RFX3: variants seen among roughly 807,000 people sequenced by gnomAD.
RFX3 encodes transcription factor RFX3.
Under a neutral mutation model 98.6 loss-of-function variants are expected in RFX3, and 14 were observed. The ratio of observed to expected loss-of-function variants is 0.14; its 90% CI spans 0.09 to 0.22. RFX3 has a LOEUF of 0.22. Ranked by LOEUF, RFX3 falls within the 10% of genes least tolerant of loss-of-function variation. RFX3 has a pLI of 1.00. For synonymous variants in RFX3, 383 were observed against 328.4 expected (o/e 1.17, Z -1.80); for missense variants, 639 against 926.9 (o/e 0.69, Z 4.03).
chr9:3,424,710 A>G (rs548140323), intron 1 of RFX3, among the ~76,000 whole-genome samples: 64 of 152,272 alleles, frequency 4.2e-4, no homozygotes, highest in African/African-American at 1.5e-3. Flanking sequence ...TTCAGTTTTT[A>G]TAATACAGAA....
At position 3,330,278 on chromosome 9, in the gene RFX3, G is replaced by A; in HGVS notation, c.455C>T (p.Thr152Ile). The A allele has an allele frequency of 6.2e-7, 1 of 1,614,116 alleles. No homozygotes were observed. The highest frequency in any genetic ancestry group is 8.5e-7 in the Non-Finnish European group (1 of 1,179,984). The change falls in exon 4 of 17, where the codon ACT becomes ATT. Residue 152 changes from threonine (T) to isoleucine (I), a missense_variant. Around this residue, in one of 9 missense-constraint regions of RFX3, gnomAD observed 210 missense variants for 197.7 expected, o/e 1.06. Transcript: ENST00000617270. ...ACTTACTGTCGCTGGGGAGGCCCGA[G>A]TTGTGTGTGTCACTGAGTGACCAGA... The part of the protein sequence containing the change: ...ENSGHSVTHT[T>I]RASPATIEMA...
intron 1 of RFX3, among the ~76,000 whole-genome samples, chr9:3,507,466 C>T (rs778929392): frequency 9.9e-5 from 15 of 151,774 alleles, no homozygotes; most frequent in Non-Finnish European, 2.1e-4. Flanking sequence ...TTTATTAATC[C>T]TATTTCACAG....
chr9:3,510,853 T>C (rs997210110), intron 1 of RFX3, among the ~76,000 whole-genome samples: 1 of 152,064 alleles, frequency 6.6e-6, no homozygotes, highest in African/African-American at 2.4e-5. Context: ...TATTTACTTT[T>C]GAAAAGTATA....
intron 1 of RFX3, among the ~76,000 whole-genome samples, chr9:3,414,100 G>A (rs766811864): frequency 6.6e-6 from 1 of 152,030 alleles, no homozygotes; most frequent in South Asian, 2.1e-4. Context: ...TGTTGGTTGA[G>A]TACTTTATTG....
chr9:3,406,717 T>C (rs1249823249), intron 1 of RFX3, among the ~76,000 whole-genome samples: 1 of 152,204 alleles, frequency 6.6e-6, no homozygotes, highest in Non-Finnish European at 1.5e-5. Flanking sequence ...TTTAAAATTC[T>C]ACATAAATAT....
intron 2 of RFX3, among the ~76,000 whole-genome samples, chr9:3,366,344 T>C (rs958269087): frequency 6.6e-6 from 1 of 152,210 alleles, no homozygotes. Context: ...ACAATACATC[T>C]TTGGAGCTGT....
intron 9 of RFX3, 39 bp from the exon 10 acceptor site, chr9:3,271,157 T>C (rs770571496): frequency 1.3e-6 from 2 of 1,552,918 alleles, no homozygotes; most frequent in South Asian, 2.2e-5. Flanking sequence ...CTTACAATAT[T>C]ATTTACGGGA....
Position 3,463,847 on chromosome 9 carries a change from G to A in RFX3, c.-9+61900C>T, listed in dbSNP as rs375935369. ...AAATTAGCCAGGCATGGAGGTACAC[G>A]CCTACGGTCCCAGCTCCTCAGAGGG... On this transcript the variant is annotated intron_variant, in intron 1 of 16. Transcript: ENST00000617270. Among the ~76,000 whole-genome samples the A allele has an allele frequency of 4.6e-5, 7 of 152,108 alleles. No homozygotes were observed. In the East Asian group the frequency reaches 5.8e-4, roughly 13 times the overall value.
At chr9:3,388,103 C>A (rs1398855664) in intron 2 of RFX3, among the ~76,000 whole-genome samples, 1 of 152,050 alleles carries the variant, frequency 6.6e-6, no homozygotes, top group Non-Finnish European at 1.5e-5. Context: ...TTCTAATTAT[C>A]AGGGTTTCTT....
chr9:3,329,422 A>C (rs867816223), intron 4 of RFX3, among the ~76,000 whole-genome samples: 33 of 150,166 alleles, frequency 2.2e-4, no homozygotes, highest in South Asian at 6.3e-4. Context: ...AAAAAAAAAA[A>C]AAAAAACAAA....
At chr9:3,472,758 A>G (rs1848885285) in intron 1 of RFX3, among the ~76,000 whole-genome samples, 1 of 152,222 alleles carries the variant, frequency 6.6e-6, no homozygotes, top group Admixed American at 6.5e-5. Context: ...TACTAGGCTT[A>G]TCAAATCCCT....
chr9:3,490,208 A>C, intron 1 of RFX3: 1 of 455,116 alleles, frequency 2.2e-6, no homozygotes. Flanking sequence ...GACTCCATAT[A>C]TGACATCTGA....
chr9:3,455,224 T>C (rs540615309), intron 1 of RFX3, among the ~76,000 whole-genome samples: 4 of 152,332 alleles, frequency 2.6e-5, no homozygotes, highest in South Asian at 2.1e-4. Flanking sequence ...GCCTCATTCC[T>C]TTCTACCGTT....
At chr9:3,368,341 C>A (rs1430659343) in intron 2 of RFX3, among the ~76,000 whole-genome samples, 3 of 152,020 alleles carry the variant, frequency 2.0e-5, no homozygotes, top group African/African-American at 7.2e-5. Flanking sequence ...TATCTGAATC[C>A]TTTTTAGTAA....
At chr9:3,229,952 G>A (rs1463290479) in intron 15 of RFX3, among the ~76,000 whole-genome samples, 2 of 151,988 alleles carry the variant, frequency 1.3e-5, no homozygotes, top group Non-Finnish European at 1.5e-5. Context: ...GCTACCTTGG[G>A]AGCTTATACA....
At chr9:3,288,320 A>G in intron 6 of RFX3, 70 bp from the exon 7 acceptor site, 1 of 1,440,772 alleles carries the variant, frequency 6.9e-7, no homozygotes, top group Non-Finnish European at 9.7e-7. Flanking sequence ...TGGGATGTCC[A>G]TTAAACTTCA....
At chr9:3,367,371 G>GT (rs1471970059) in intron 2 of RFX3, among the ~76,000 whole-genome samples, 4 of 152,148 alleles carry the variant, frequency 2.6e-5, no homozygotes, top group Admixed American at 2.0e-4. Context: ...TATTCTGCCA[G>GT]TAACTCAATG....
rs1450144954 is a variant in RFX3, at chr9:3,221,039, C to G, written c.*4003G>C. 6.6e-6 allele frequency: 1 copy of G among 152,130 alleles called. No individual in the cohort carries two copies. The highest frequency in any genetic ancestry group is 1.5e-5 in the Non-Finnish European group (1 of 68,022). 9.4% of individuals were successfully genotyped at this position (152,130 alleles called of 1,614,324 possible). On this transcript the variant is annotated 3_prime_UTR_variant, in exon 17 of 17. Transcript: ENST00000617270. ...AATTTCTGGATGGTTGTTCTTTTCT[C>G]ACCAAGAATGTGTGTGTCTGGGGGA...
At chr9:3,361,661 GAAAAAAAAAAAA>G (rs71324242) in intron 2 of RFX3, among the ~76,000 whole-genome samples, 1 of 87,800 alleles carries the variant, frequency 1.1e-5, no homozygotes, top group Non-Finnish European at 2.5e-5. Context: ...GTTTCTTTAG[GAAAAAAAAAAAA>G]AAAAAAAAAG....
Sources: gnomAD v4.1 joint callset for allele counts (sites outside exome capture counted in the v4.1 genomes callset) on GRCh38, gnomAD v4.1.1 for gene constraint, gnomAD v4.1.1 regional missense constraint, MANE v1.5 for transcripts, NCBI Gene and HGNC (gene_info 2026-07-23, HGNC 2026-07-21) for gene names.